SEMA6D: variants seen among roughly 807,000 people sequenced by gnomAD.
The protein encoded by SEMA6D is semaphorin-6D.
SEMA6D carries 35 observed loss-of-function variants against 106.6 expected under a neutral mutation model. The ratio of observed to expected loss-of-function variants is 0.33; its 90% CI spans 0.25 to 0.44. SEMA6D has a LOEUF of 0.44. Among genes scored for constraint, SEMA6D ranks in the 20% least tolerant of loss-of-function variants. The probability of loss-of-function intolerance (pLI) is 1.00; values close to 1 mark genes in which losing one functional copy is unlikely to be tolerated. For synonymous variants in SEMA6D, 499 were observed against 487.7 expected, an observed-to-expected ratio of 1.02 and a Z score of -0.31; for missense variants, 1,185 against 1,345.9, an observed-to-expected ratio of 0.88 and a Z score of 1.87.
intron 1 of SEMA6D, among the ~76,000 whole-genome samples, chr15:47,313,042 C>T (rs1202592053): frequency 6.6e-6 from 1 of 152,040 alleles, no homozygotes; most frequent in African/African-American, 2.4e-5. Flanking sequence ...ACCCCCAGCC[C>T]CACACATGCA....
chr15:47,550,860 A>C (rs1276627259), intron 3 of SEMA6D, among the ~76,000 whole-genome samples: 3 of 152,232 alleles, frequency 2.0e-5, no homozygotes, highest in Non-Finnish European at 2.9e-5. Flanking sequence ...TGTCCCAAGC[A>C]GAAACATCCC....
At chr15:47,679,543 C>A (rs533921977) in intron 4 of SEMA6D, among the ~76,000 whole-genome samples, 1 of 152,272 alleles carries the variant, frequency 6.6e-6, no homozygotes, top group East Asian at 1.9e-4. Context: ...CCCTGGATCC[C>A]TTGTCCTGCT....
rs975744865 is a variant in SEMA6D, at chr15:47,762,265, A to G, written c.604A>G (p.Met202Val). ...CAGCGATGCCGTTATTTATCGAAGC[A>G]TGGGTGATGGATCTGCCCTTCGCAC... ...LASDAVIYRS[M>V]GDGSALRTIK... The change falls in exon 8 of 19, where the codon ATG becomes GTG. Residue 202 changes from methionine to valine, a missense_variant. Around this residue, in one of 3 missense-constraint regions of SEMA6D, gnomAD observed 291 missense variants for 423.8 expected, o/e 0.69. Transcript: ENST00000536845. 5 of 1,613,586 alleles carry G rather than the reference A, an allele frequency of 3.1e-6. No homozygotes were observed. Among genetic ancestry groups the G allele is most frequent in the Admixed American group, 3.3e-5 (2 of 59,996 alleles).
chr15:47,629,224 T>C (rs1380346615), intron 4 of SEMA6D, among the ~76,000 whole-genome samples: 1 of 152,032 alleles, frequency 6.6e-6, no homozygotes, highest in Non-Finnish European at 1.5e-5. Context: ...TTCCACCTTA[T>C]TATGCTTTTT....
intron 3 of SEMA6D, among the ~76,000 whole-genome samples, chr15:47,504,793 G>A (rs1338712437): frequency 6.6e-6 from 1 of 152,086 alleles, no homozygotes; most frequent in Non-Finnish European, 1.5e-5. Context: ...AAGAGGAAGA[G>A]GCTAATTTGG....
chr15:47,641,541 C>G (rs1012888625), intron 4 of SEMA6D, among the ~76,000 whole-genome samples: 23 of 152,132 alleles, frequency 1.5e-4, no homozygotes, highest in African/African-American at 5.3e-4. Flanking sequence ...AGGCTTGGAT[C>G]CAGGCTAACT....
At chr15:47,607,881 C>T (rs2076815101) in intron 4 of SEMA6D, among the ~76,000 whole-genome samples, 1 of 152,162 alleles carries the variant, frequency 6.6e-6, no homozygotes, top group Non-Finnish European at 1.5e-5. Flanking sequence ...GGAGAGGATG[C>T]CAGGAGTATG....
chr15:47,383,113 C>A (rs536074230), intron 1 of SEMA6D, among the ~76,000 whole-genome samples: 55 of 152,294 alleles, frequency 3.6e-4, no homozygotes, highest in Non-Finnish European at 7.2e-4. Context: ...TTGTGCCTGT[C>A]CTGATGAGGA....
chr15:47,473,357 A>G (rs1567105306), intron 3 of SEMA6D, among the ~76,000 whole-genome samples: 1 of 152,114 alleles, frequency 6.6e-6, no homozygotes, highest in Non-Finnish European at 1.5e-5. Flanking sequence ...GAGAGTCGGT[A>G]CCTCTTGAGA....
chr15:47,408,482 A>G (rs931244978), intron 1 of SEMA6D, among the ~76,000 whole-genome samples: 2 of 152,222 alleles, frequency 1.3e-5, no homozygotes, highest in Non-Finnish European at 2.9e-5. Flanking sequence ...TATCTATAAA[A>G]AAGGGTAAAC....
intron 4 of SEMA6D, among the ~76,000 whole-genome samples, chr15:47,619,790 G>A (rs2077067475): frequency 6.6e-6 from 1 of 152,150 alleles, no homozygotes. Context: ...AAATGATGAT[G>A]AAAATGAATG....
At chr15:47,738,548 G>T (rs1212094401) in intron 1 of SEMA6D, among the ~76,000 whole-genome samples, 1 of 152,120 alleles carries the variant, frequency 6.6e-6, no homozygotes, top group East Asian at 1.9e-4. Context: ...TATTACTAGG[G>T]AATTGTCATA....
chr15:47,705,122 A>C (rs1394238583), intron 4 of SEMA6D, among the ~76,000 whole-genome samples: 1 of 152,208 alleles, frequency 6.6e-6, no homozygotes, highest in African/African-American at 2.4e-5. Context: ...GAAGGCAATT[A>C]CTTTTACTCT....
chr15:47,640,156 C>G (rs900304016), intron 4 of SEMA6D, among the ~76,000 whole-genome samples: 2 of 152,112 alleles, frequency 1.3e-5, no homozygotes, highest in African/African-American at 4.8e-5. Context: ...AAAATAAAGT[C>G]TATATTTTTA....
At chr15:47,407,762 T>G (rs2040643803) in intron 1 of SEMA6D, among the ~76,000 whole-genome samples, 1 of 152,248 alleles carries the variant, frequency 6.6e-6, no homozygotes, top group Admixed American at 6.5e-5. Context: ...TGTGAGTTCT[T>G]ATCTTTTCTG....
At chr15:47,768,497 C>T in intron 17 of SEMA6D, 84 bp from the exon 18 acceptor site, 3 of 1,193,060 alleles carry the variant, frequency 2.5e-6, no homozygotes, top group Non-Finnish European at 3.4e-6. Context: ...AAAATTTACT[C>T]AAACTTTATT....
At chr15:47,335,961 T>C (rs1815650082) in intron 1 of SEMA6D, among the ~76,000 whole-genome samples, 1 of 152,114 alleles carries the variant, frequency 6.6e-6, no homozygotes, top group South Asian at 2.1e-4. Flanking sequence ...CCCTCCAGTA[T>C]GGAGAAACTT....
chr15:47,575,723 CA>C (rs142185669), intron 3 of SEMA6D, among the ~76,000 whole-genome samples: 64 of 145,508 alleles, frequency 4.4e-4, no homozygotes, highest in African/African-American at 1.1e-3. Context: ...CATCTCAAAA[CA>C]AAAAAAAAAG....
intron 1 of SEMA6D, among the ~76,000 whole-genome samples, chr15:47,247,829 G>A (rs1448504071): frequency 2.0e-5 from 3 of 152,134 alleles, no homozygotes; most frequent in Non-Finnish European, 4.4e-5. Flanking sequence ...CAGACCGTGT[G>A]GGGTCAACTA....
Sources: allele counts gnomAD v4.1 joint callset (sites outside exome capture counted in the v4.1 genomes callset), GRCh38; gene constraint gnomAD v4.1.1; regional missense constraint gnomAD v4.1.1; transcripts MANE v1.5; gene names NCBI Gene and HGNC (gene_info 2026-07-23, HGNC 2026-07-21).